Variants in GRAMD2B observed in about 807,000 individuals in gnomAD.
The protein encoded by GRAMD2B is GRAM domain containing 2B.
In GRAMD2B, 41 loss-of-function variants were observed where a neutral mutation model predicts 59.2. The observed-to-expected ratio is 0.69, with a 90% confidence interval of 0.54 to 0.90. The LOEUF (loss-of-function observed/expected upper bound fraction) is 0.90. Among genes scored for constraint, GRAMD2B ranks in the 40% least tolerant of loss-of-function variants. GRAMD2B has a pLI of 0.00. For synonymous variants in GRAMD2B, 161 were observed against 182.7 expected (o/e 0.88, Z 0.96); for missense variants, 424 against 500.5 (o/e 0.85, Z 1.46).
chr5:126,488,993 C>T (rs747160830), intron 13 of GRAMD2B, 101 bp downstream of exon 13: 51 of 669,448 alleles, frequency 7.6e-5, no homozygotes, highest in African/African-American at 5.5e-5. Context: ...GTTAGTGTGC[C>T]GCAATAAACC....
chr5:126,464,943 A>C (rs1245125700), intron 1 of GRAMD2B, among the ~76,000 whole-genome samples: 1 of 152,172 alleles, frequency 6.6e-6, no homozygotes, highest in Non-Finnish European at 1.5e-5. Flanking sequence ...GGTTGTAAAG[A>C]TTAGAGACTG....
At chr5:126,391,395 C>T (rs1756768476) in intron 1 of GRAMD2B, among the ~76,000 whole-genome samples, 1 of 148,412 alleles carries the variant, frequency 6.7e-6, no homozygotes, top group African/African-American at 2.5e-5. Flanking sequence ...TAAAACCTGT[C>T]CAAATAACAA....
At chr5:126,466,712 T>C (rs76734455) in intron 2 of GRAMD2B, among the ~76,000 whole-genome samples, 2,670 of 152,112 alleles carry the variant, frequency 0.018, 79 homozygotes, top group African/African-American at 0.061. Flanking sequence ...ACTTTAACAA[T>C]TTTTTTTCCT....
At chr5:126,448,869 C>T (rs1764822031) in intron 1 of GRAMD2B, among the ~76,000 whole-genome samples, 1 of 152,174 alleles carries the variant, frequency 6.6e-6, no homozygotes, top group Non-Finnish European at 1.5e-5. Flanking sequence ...GTGGATAACA[C>T]CTGTCTTACA....
chr5:126,386,958 G>C (rs1231593008), intron 1 of GRAMD2B, among the ~76,000 whole-genome samples: 2 of 152,100 alleles, frequency 1.3e-5, no homozygotes, highest in African/African-American at 4.8e-5. Context: ...TTACCTATTT[G>C]TTTTATTATC....
chr5:126,440,335 G>A (rs1416542940), intron 1 of GRAMD2B, among the ~76,000 whole-genome samples: 2 of 152,160 alleles, frequency 1.3e-5, no homozygotes, highest in Non-Finnish European at 2.9e-5. Context: ...TGACTCTCTT[G>A]AGAAAACATT....
At chr5:126,426,231 A>C (rs1390300421) in intron 1 of GRAMD2B, among the ~76,000 whole-genome samples, 1 of 152,190 alleles carries the variant, frequency 6.6e-6, no homozygotes, top group Admixed American at 6.5e-5. Context: ...AGGAACTGGT[A>C]TGCCAAACAT....
intron 1 of GRAMD2B, among the ~76,000 whole-genome samples, chr5:126,392,605 T>C (rs1320455884): frequency 6.6e-6 from 1 of 152,100 alleles, no homozygotes; most frequent in Non-Finnish European, 1.5e-5. Flanking sequence ...AGACAAGTGG[T>C]CCGCAACCTT....
intron 1 of GRAMD2B, among the ~76,000 whole-genome samples, chr5:126,417,762 G>T (rs769939856): frequency 6.6e-6 from 1 of 152,078 alleles, no homozygotes; most frequent in African/African-American, 2.4e-5. Flanking sequence ...AAGGTCCTTG[G>T]GCTTTCTCTC....
At chr5:126,445,147 G>T (rs1457476366) in intron 1 of GRAMD2B, among the ~76,000 whole-genome samples, 1 of 152,252 alleles carries the variant, frequency 6.6e-6, no homozygotes, top group African/African-American at 2.4e-5. Context: ...GAATAATGCT[G>T]CAGTGAACAT....
upstream of GRAMD2B, among the ~76,000 whole-genome samples, chr5:126,421,745 G>A (rs1429159059): frequency 6.6e-6 from 1 of 152,156 alleles, no homozygotes. Context: ...AGAAAACTTT[G>A]GAAAGAACTT....
At chr5:126,426,280 A>G (rs1760606977) in intron 1 of GRAMD2B, among the ~76,000 whole-genome samples, 1 of 152,024 alleles carries the variant, frequency 6.6e-6, no homozygotes, top group Non-Finnish European at 1.5e-5. Flanking sequence ...ACTTTTCCTT[A>G]CTGCTATTCC....
chr5:126,481,241 AAGAAAGAAAAG>A (rs1394668801), intron 8 of GRAMD2B, among the ~76,000 whole-genome samples: 5 of 149,322 alleles, frequency 3.3e-5, no homozygotes, highest in South Asian at 2.1e-4. Context: ...GAAAGAAAGA[AAGAAAGAAAAG>A]AAAAAAAAAG....
intron 1 of GRAMD2B, among the ~76,000 whole-genome samples, chr5:126,374,487 A>G (rs1755022289): frequency 6.6e-6 from 1 of 152,126 alleles, no homozygotes; most frequent in African/African-American, 2.4e-5. Flanking sequence ...TGTTGCAAGT[A>G]TTTTATTCCA....
At chr5:126,412,225 A>G (rs1042140629) in intron 1 of GRAMD2B, among the ~76,000 whole-genome samples, 4 of 151,918 alleles carry the variant, frequency 2.6e-5, no homozygotes, top group South Asian at 2.1e-4. Flanking sequence ...TGCCTGTTCA[A>G]TCTGATGTTG....
At chr5:126,366,713 G>A (rs758301402), upstream of GRAMD2B, among the ~76,000 whole-genome samples, 3 of 151,950 alleles carry the variant, frequency 2.0e-5, no homozygotes, top group African/African-American at 4.8e-5. Flanking sequence ...TCTAAACCAT[G>A]AAATCAAACA....
chr5:126,455,842 T>C (rs1395805521), intron 1 of GRAMD2B, among the ~76,000 whole-genome samples: 1 of 152,182 alleles, frequency 6.6e-6, no homozygotes, highest in Non-Finnish European at 1.5e-5. Context: ...CCACACAACT[T>C]CTCTGAGTCT....
rs111662273 is a variant in GRAMD2B at position 126,458,263 on chromosome 5, T to G, written c.84-7163T>G. On this transcript the variant is annotated intron_variant, in intron 1 of 13. Transcript: ENST00000285689. ...CAGCCTGGCCAACATGGTGAAACCCTGTCTCTAAGAAAAATATAAAAATTA... is the reference window on the plus strand; with the variant it reads ...CAGCCTGGCCAACATGGTGAAACCCGGTCTCTAAGAAAAATATAAAAATTA... Among the ~76,000 whole-genome samples, 985 of 152,130 alleles carry G rather than the reference T, an allele frequency of 6.5e-3. 10 individuals carry two copies. Among genetic ancestry groups the G allele is most frequent in the African/African-American group, 0.023 (943 of 41,504 alleles).
rs550163574 is a variant in GRAMD2B, at chr5:126,462,451, C to T, written c.84-2975C>T. 1.7e-5 allele frequency: 17 copies of T among 985,162 alleles called. No homozygotes were observed. The African/African-American group carries it at 1.7e-4, about 10-fold the overall frequency. The allele number at this position is 985,162 out of a possible 1,614,324, so 61.0% of individuals were successfully genotyped here. ...CTGACAAGACCTCCAAGGTAAGGGA[C>T]GCTTGCAGGAATAATCTTGCCTGTG... On this transcript the variant is annotated intron_variant, in intron 1 of 13. Transcript: ENST00000285689.
Sources: allele counts gnomAD v4.1 joint callset (sites outside exome capture counted in the v4.1 genomes callset), GRCh38; gene constraint gnomAD v4.1.1; transcripts MANE v1.5; gene names NCBI Gene and HGNC (gene_info 2026-07-23, HGNC 2026-07-21).